Variants in IQCM observed in about 807,000 individuals in gnomAD.
The protein encoded by IQCM is IQ domain-containing protein M.
In IQCM, 45 loss-of-function variants were observed where a neutral mutation model predicts 57.6. The observed-to-expected ratio is 0.78, with a 90% confidence interval of 0.62 to 1.00. IQCM has a LOEUF of 1.00. Ranked by LOEUF, IQCM falls within the 50% of genes least tolerant of loss-of-function variation. The probability of loss-of-function intolerance (pLI) is 0.00; values close to 1 mark genes in which losing one functional copy is unlikely to be tolerated. For missense variants in IQCM, 468 were observed against 511.6 expected, an observed-to-expected ratio of 0.91 and a Z score of 0.82; for synonymous variants, 148 against 158.9, an observed-to-expected ratio of 0.93 and a Z score of 0.51.
intron 13 of IQCM, among the ~76,000 whole-genome samples, chr4:149,376,911 A>C (rs972422647): frequency 6.6e-6 from 1 of 152,146 alleles, no homozygotes; most frequent in African/African-American, 2.4e-5. Flanking sequence ...CTTTAAATGA[A>C]GGAAAAATCA....
At chr4:149,482,565 T>C (rs900772484) in intron 12 of IQCM, among the ~76,000 whole-genome samples, 1 of 152,016 alleles carries the variant, frequency 6.6e-6, no homozygotes, top group Non-Finnish European at 1.5e-5. Context: ...ATTTTGTTGA[T>C]ATGATGTATC....
chr4:149,496,867 G>C (rs1359383277), intron 12 of IQCM, among the ~76,000 whole-genome samples: 4 of 152,078 alleles, frequency 2.6e-5, no homozygotes, highest in Non-Finnish European at 5.9e-5. Flanking sequence ...CTTAAGCCAT[G>C]AGGCATGCCA....
At chr4:149,703,470 A>C (rs1763919041) in intron 5 of IQCM, among the ~76,000 whole-genome samples, 1 of 151,924 alleles carries the variant, frequency 6.6e-6, no homozygotes, top group Admixed American at 6.6e-5. Context: ...ACTTTCAAAA[A>C]AAATGGTTGG....
chr4:149,566,515 CGAGA>C (rs144416069), intron 9 of IQCM, among the ~76,000 whole-genome samples: 26 of 146,610 alleles, frequency 1.8e-4, no homozygotes, highest in Admixed American at 3.4e-4. Context: ...TACACATGTA[CGAGA>C]GAGAGAGAGA....
rs1261224834 is a variant in IQCM at position 149,480,678 on chromosome 4, T to C, written c.1229-47121A>G. On this transcript the variant is annotated intron_variant, in intron 12 of 13. Transcript: ENST00000636793. ...TTCATCCATTGATGGACACTTAGAT[T>C]GCTTCCAAATTTTGGCAATTGTTAA... Among the ~76,000 whole-genome samples, 3 of 152,210 alleles carry C rather than the reference T, an allele frequency of 2.0e-5. No individual in the cohort carries two copies. The East Asian group carries it at 5.8e-4, about 29-fold the overall frequency.
At chr4:149,362,823 G>A (rs1344564301) in intron 13 of IQCM, among the ~76,000 whole-genome samples, 1 of 152,196 alleles carries the variant, frequency 6.6e-6, no homozygotes, top group African/African-American at 2.4e-5. Flanking sequence ...ACTGGCAGAA[G>A]AAATCTTCTA....
At chr4:149,363,415 T>G (rs1361437783) in intron 13 of IQCM, among the ~76,000 whole-genome samples, 1 of 152,192 alleles carries the variant, frequency 6.6e-6, no homozygotes, top group Non-Finnish European at 1.5e-5. Context: ...ATGCAAGATA[T>G]CCAAGGAGAA....
At chr4:149,481,701 G>GTTTTTTTTTTTTGTTTTTTGTTTTTTGT (rs751057249) in intron 12 of IQCM, among the ~76,000 whole-genome samples, 1 of 51,548 alleles carries the variant, frequency 1.9e-5, no homozygotes, top group Non-Finnish European at 3.7e-5. Context: ...TTCCAGTTTT[G>GTTTTTTTTTTTTGTTTTTTGTTTTTTGT]TTTTTTTTTT....
chr4:149,589,855 A>T (rs1190651267), intron 8 of IQCM, among the ~76,000 whole-genome samples: 5 of 152,028 alleles, frequency 3.3e-5, no homozygotes, highest in Non-Finnish European at 7.4e-5. Context: ...TACCCTCAAG[A>T]TGTTCCGTGA....
At chr4:149,374,104 T>C (rs763901810) in intron 13 of IQCM, among the ~76,000 whole-genome samples, 1 of 152,128 alleles carries the variant, frequency 6.6e-6, no homozygotes, top group Admixed American at 6.6e-5. Context: ...GATCCCCACC[T>C]GGGGTATGTT....
chr4:149,508,435 C>G (rs1744057205), intron 12 of IQCM, among the ~76,000 whole-genome samples: 1 of 152,180 alleles, frequency 6.6e-6, no homozygotes, highest in African/African-American at 2.4e-5. Flanking sequence ...GAACCCACCT[C>G]TTGCATCAGC....
chr4:149,505,088 G>A (rs762571233), intron 12 of IQCM, among the ~76,000 whole-genome samples: 1 of 152,094 alleles, frequency 6.6e-6, no homozygotes, highest in African/African-American at 2.4e-5. Context: ...TGTTATAGTA[G>A]TCCAAGTGAA....
intron 13 of IQCM, among the ~76,000 whole-genome samples, chr4:149,395,322 C>T (rs1732147347): frequency 6.6e-6 from 1 of 152,022 alleles, no homozygotes; most frequent in Non-Finnish European, 1.5e-5. Flanking sequence ...AGAAGTGCCA[C>T]TTTACATGGT....
In IQCM at chr4:149,364,924, T is replaced by C. The variant is rs142168730; in HGVS notation, c.1391-12858A>G. Among the ~76,000 whole-genome samples the C allele has an allele frequency of 4.9e-3, 738 of 152,132 alleles. 6 individuals are homozygous for C. The highest frequency in any genetic ancestry group is 0.016 in the African/African-American group (681 of 41,510). On this transcript the variant is annotated intron_variant, in intron 13 of 13. Coordinates refer to ENST00000636793, the MANE Select transcript of IQCM (RefSeq NM_001363507.2). ...GTAACTCTGGAAATCAGTGTTTTGA[T>C]TGGAAACTGGAGGCTAAAGACAAAA...
intron 8 of IQCM, among the ~76,000 whole-genome samples, chr4:149,599,734 T>C (rs2654830): frequency 0.21 from 32,396 of 151,966 alleles, 4,287 homozygotes; most frequent in Non-Finnish European, 0.29. Context: ...CTGTGGTTTG[T>C]GTATGCTTTG....
intron 13 of IQCM, among the ~76,000 whole-genome samples, chr4:149,402,640 G>T (rs1732699225): frequency 6.6e-6 from 1 of 151,668 alleles, no homozygotes; most frequent in African/African-American, 2.4e-5. Context: ...TCATGTTGGG[G>T]ATCAATATAT....
chr4:149,492,104 T>C (rs1285848907), intron 12 of IQCM, among the ~76,000 whole-genome samples: 1 of 152,150 alleles, frequency 6.6e-6, no homozygotes, highest in Non-Finnish European at 1.5e-5. Context: ...TAATCTGGTG[T>C]TTTGTTTTCA....
intron 8 of IQCM, among the ~76,000 whole-genome samples, chr4:149,608,587 A>C (rs1048351398): frequency 6.6e-5 from 10 of 151,968 alleles, no homozygotes; most frequent in African/African-American, 2.2e-4. Flanking sequence ...CAATGGAATA[A>C]AATAGAAATC....
intron 7 of IQCM, among the ~76,000 whole-genome samples, chr4:149,642,876 TA>T (rs951510752): frequency 6.6e-6 from 1 of 152,098 alleles, no homozygotes; most frequent in African/African-American, 2.4e-5. Context: ...TTACTTTTTT[TA>T]AAAAAATTGT....
Sources: allele counts gnomAD v4.1 joint callset (sites outside exome capture counted in the v4.1 genomes callset), GRCh38; gene constraint gnomAD v4.1.1; transcripts MANE v1.5; gene names NCBI Gene and HGNC (gene_info 2026-07-23, HGNC 2026-07-21).